AMD1: variants seen among roughly 807,000 people sequenced by gnomAD.
AMD1 encodes the protein S-adenosylmethionine decarboxylase proenzyme.
AMD1 carries 11 observed loss-of-function variants against 40.2 expected under a neutral mutation model. The ratio of observed to expected loss-of-function variants is 0.27; its 90% CI spans 0.17 to 0.45. The LOEUF is 0.45. Ranked by LOEUF, AMD1 falls within the 20% of genes least tolerant of loss-of-function variation. The pLI, the probability that AMD1 is intolerant of heterozygous loss-of-function variation, is 1.00. For missense variants in AMD1, 257 were observed against 410.2 expected (o/e 0.63, Z 3.23); for synonymous variants, 121 against 130.8 (o/e 0.93, Z 0.51).
chr6:110,862,831 A>G, the AMD1 span, among the ~76,000 whole-genome samples: 1 of 152,080 alleles, frequency 6.6e-6, no homozygotes, highest in Non-Finnish European at 1.5e-5. Flanking sequence ...AATATCTGAC[A>G]TTAGTATTTA....
chr6:110,891,955 C>A, intron 4 of AMD1: 3 of 613,006 alleles, frequency 4.9e-6, no homozygotes, highest in Non-Finnish European at 8.6e-6. Context: ...GTTGGCCAGG[C>A]TCGAACTCTT....
At chr6:110,841,732 TA>T in the AMD1 span, among the ~76,000 whole-genome samples, 11,939 of 136,844 alleles carry the variant, frequency 0.087, 700 homozygotes, top group East Asian at 0.37. Flanking sequence ...ATGCCCCCAT[TA>T]AAAAAAAAAA....
In AMD1 at chr6:110,875,367, G is replaced by GT. The variant is rs1785037914; in HGVS notation, c.110+155dup. 3.1e-6 allele frequency: 2 copies of GT among 654,588 alleles called. 1 individual carries two copies. The highest frequency in any genetic ancestry group is 5.8e-5 in the Admixed American group (2 of 34,746). 40.5% of individuals were successfully genotyped at this position (654,588 alleles called of 1,614,324 possible). A position where few individuals can be genotyped will look rare whatever the true frequency, so the allele number is the denominator to read the frequency against. On this transcript the variant is annotated intron_variant, in intron 1 of 8. Transcript: ENST00000368885. ...CTTCGGCGGCCTTGGAAGGTGCGCG[G>GT]TTTGGGGGAGAGCGGCCATGTCCAC...
the AMD1 span, among the ~76,000 whole-genome samples, chr6:110,830,444 A>C: frequency 4.3e-4 from 66 of 152,326 alleles, no homozygotes; most frequent in African/African-American, 1.5e-3. Context: ...AGAAGTACCA[A>C]AAGCATTCCT....
upstream of AMD1, among the ~76,000 whole-genome samples, chr6:110,870,247 T>A (rs975020705): frequency 7.2e-5 from 11 of 152,320 alleles, no homozygotes; most frequent in Non-Finnish European, 8.8e-5. Flanking sequence ...TGATGTCAAC[T>A]GACTCCCCAA....
At chr6:110,843,822 A>T in the AMD1 span, among the ~76,000 whole-genome samples, 15 of 152,052 alleles carry the variant, frequency 9.9e-5, no homozygotes, top group African/African-American at 3.6e-4. Flanking sequence ...TCATGAGCTC[A>T]AGCGATCTGC....
the AMD1 span, among the ~76,000 whole-genome samples, chr6:110,867,742 T>C: frequency 3.9e-5 from 6 of 152,102 alleles, no homozygotes; most frequent in Admixed American, 6.5e-5. Context: ...AAAAAATAAA[T>C]TTAAAAACAT....
the AMD1 span, among the ~76,000 whole-genome samples, chr6:110,824,360 G>A: frequency 6.6e-6 from 1 of 152,114 alleles, no homozygotes; most frequent in African/African-American, 2.4e-5. Context: ...TTACAAGTAG[G>A]GCTAAGCTAT....
the AMD1 span, among the ~76,000 whole-genome samples, chr6:110,860,492 A>G: frequency 6.6e-6 from 1 of 152,018 alleles, no homozygotes; most frequent in Non-Finnish European, 1.5e-5. Context: ...ATACCATTCT[A>G]TGTGATTAAA....
the AMD1 span, among the ~76,000 whole-genome samples, chr6:110,849,151 A>G: frequency 6.6e-6 from 1 of 152,326 alleles, no homozygotes; most frequent in Non-Finnish European, 1.5e-5. Context: ...AAAGGCTTTT[A>G]TCTTGAGAAC....
At chr6:110,843,253 A>G in the AMD1 span, among the ~76,000 whole-genome samples, 2 of 152,148 alleles carry the variant, frequency 1.3e-5, no homozygotes, top group African/African-American at 4.8e-5. Flanking sequence ...CCCTGAGGTC[A>G]GAAGTTGGAG....
the AMD1 span, among the ~76,000 whole-genome samples, chr6:110,842,906 G>C: frequency 2.0e-5 from 3 of 152,126 alleles, no homozygotes; most frequent in South Asian, 6.2e-4. Context: ...AGGCCGAGGG[G>C]GATGGATCAC....
chr6:110,819,721 T>A, the AMD1 span, among the ~76,000 whole-genome samples: 1 of 152,216 alleles, frequency 6.6e-6, no homozygotes, highest in Non-Finnish European at 1.5e-5. Flanking sequence ...TGAGACCTGC[T>A]GTGCTGCATT....
the AMD1 span, among the ~76,000 whole-genome samples, chr6:110,860,833 CCACACACACACA>C: frequency 7.8e-5 from 10 of 128,190 alleles, no homozygotes; most frequent in South Asian, 7.4e-4. Flanking sequence ...AAACACCCAC[CCACACACACACA>C]CACACACACA....
At chr6:110,831,918 A>ACT in the AMD1 span, among the ~76,000 whole-genome samples, 1 of 151,868 alleles carries the variant, frequency 6.6e-6, no homozygotes, top group Admixed American at 6.6e-5. Flanking sequence ...ATCACAGCTG[A>ACT]CTGCAACCTC....
chr6:110,883,760 T>C (rs1785531917), intron 1 of AMD1, among the ~76,000 whole-genome samples: 1 of 146,240 alleles, frequency 6.8e-6, no homozygotes, highest in Non-Finnish European at 1.5e-5. Context: ...CCCAGCTAAT[T>C]TTTTTTTTTT....
the AMD1 span, among the ~76,000 whole-genome samples, chr6:110,855,242 T>C: frequency 6.6e-6 from 1 of 151,850 alleles, no homozygotes; most frequent in Non-Finnish European, 1.5e-5. Context: ...AATGAGAAAT[T>C]TCTGAAAATT....
intron 1 of AMD1, among the ~76,000 whole-genome samples, chr6:110,883,251 A>C (rs1785501134): frequency 6.6e-6 from 1 of 152,192 alleles, no homozygotes; most frequent in African/African-American, 2.4e-5. Context: ...CTGAGAAGTA[A>C]ATTTTAGCAG....
At chr6:110,880,620 T>C (rs1382972814) in intron 1 of AMD1, among the ~76,000 whole-genome samples, 1 of 151,158 alleles carries the variant, frequency 6.6e-6, no homozygotes, top group East Asian at 1.9e-4. Context: ...AGCGATGTTT[T>C]TCCCTGTTAT....
Sources: gnomAD v4.1 joint callset for allele counts (sites outside exome capture counted in the v4.1 genomes callset) on GRCh38, gnomAD v4.1.1 for gene constraint, MANE v1.5 for transcripts, NCBI Gene and HGNC (gene_info 2026-07-23, HGNC 2026-07-21) for gene names.